MAST4: variants seen among roughly 807,000 people sequenced by gnomAD.
The protein encoded by MAST4 is microtubule associated serine/threonine kinase family member 4, also known as microtubule-associated serine/threonine-protein kinase 4.
Under a neutral mutation model 162.7 loss-of-function variants are expected in MAST4, and 89 were observed. The observed-to-expected ratio is 0.55, with a 90% CI of 0.46 to 0.65. The LOEUF (loss-of-function observed/expected upper bound fraction) is 0.65, where lower values mean the gene tolerates loss of function less well. Ranked by LOEUF, MAST4 falls within the 30% of genes least tolerant of loss-of-function variation. The pLI is 0.00. For synonymous variants in MAST4, 1,479 were observed against 1,361.1 expected (o/e 1.09, Z -1.91); for missense variants, 3,153 against 3,374.0 (o/e 0.93, Z 1.62).
At chr5:66,687,130 T>C (rs1748711187) in intron 1 of MAST4, among the ~76,000 whole-genome samples, 1 of 152,180 alleles carries the variant, frequency 6.6e-6, no homozygotes, top group African/African-American at 2.4e-5. Context: ...GTTTGCTACA[T>C]GGATATATTT....
intron 1 of MAST4, among the ~76,000 whole-genome samples, chr5:66,630,409 T>C (rs1463431937): frequency 6.6e-6 from 1 of 152,238 alleles, no homozygotes; most frequent in Non-Finnish European, 1.5e-5. Context: ...GTTATAATTT[T>C]GGATTTTGTG....
intron 27 of MAST4, among the ~76,000 whole-genome samples, chr5:67,161,985 T>C (rs1312513402): frequency 6.6e-6 from 1 of 152,198 alleles, no homozygotes; most frequent in Non-Finnish European, 1.5e-5. Context: ...ATGTGCTCAT[T>C]GAGTACCAAA....
Position 66,675,757 on chromosome 5 carries a change from A to C in MAST4, c.363+78739A>C, listed in dbSNP as rs534574960. Among the ~76,000 whole-genome samples the C allele has an allele frequency of 4.6e-5, 7 of 152,312 alleles. 1 individual carries two copies. The highest frequency in any genetic ancestry group is 1.4e-4 in the African/African-American group (6 of 41,576). On this transcript the variant is annotated intron_variant, in intron 1 of 28. Transcript: ENST00000403625. Reference sequence around the variant, plus strand: ...CCCTGTGAACTGGAACAAAGACCTGAATCTAACAGAATGAAATTTAATAGG... The same window carrying C: ...CCCTGTGAACTGGAACAAAGACCTGCATCTAACAGAATGAAATTTAATAGG...
intron 1 of MAST4, among the ~76,000 whole-genome samples, chr5:66,698,227 G>A (rs1037342822): frequency 1.3e-5 from 2 of 151,902 alleles, no homozygotes; most frequent in Non-Finnish European, 2.9e-5. Context: ...CTTAGTTCCC[G>A]CAGCTGAGTA....
At position 67,080,979 on chromosome 5, in the gene MAST4, T is replaced by TATATATAATTGTATATATTATATA. The variant is rs1762536986; in HGVS notation, c.764-9177_764-9154dup. Among the ~76,000 whole-genome samples the TATATATAATTGTATATATTATATA allele has an allele frequency of 2.5e-5, 3 of 119,024 alleles. 1 individual carries two copies. Among genetic ancestry groups the TATATATAATTGTATATATTATATA allele is most frequent in the Admixed American group, 1.9e-4 (2 of 10,522 alleles). 78.1% of individuals were successfully genotyped at this position (119,024 alleles called of 152,430 possible). A position where few individuals can be genotyped will look rare whatever the true frequency, so the allele number is the denominator to read the frequency against. On this transcript the variant is annotated intron_variant, in intron 5 of 28. Coordinates refer to ENST00000403625, the MANE Select transcript of MAST4 (RefSeq NM_001164664.2). ...ATATATAATTGTATATATTATATAA[T>TATATATAATTGTATATATTATATA]ATATATAATTGTATATATTATATAA... is the stretch of plus-strand genomic sequence containing the variant.
intron 2 of MAST4, among the ~76,000 whole-genome samples, chr5:66,773,574 G>C (rs977883483): frequency 3.3e-5 from 5 of 152,222 alleles, no homozygotes; most frequent in Non-Finnish European, 7.3e-5. Flanking sequence ...GGTGTTGCCA[G>C]TTTGATAGTA....
At chr5:66,822,386 C>G (rs1757037202) in intron 3 of MAST4, among the ~76,000 whole-genome samples, 1 of 152,130 alleles carries the variant, frequency 6.6e-6, no homozygotes, top group Admixed American at 6.6e-5. Flanking sequence ...TGCCAGAACC[C>G]CCGCAAGTTA....
At chr5:66,728,261 G>T (rs1751641029) in intron 1 of MAST4, among the ~76,000 whole-genome samples, 2 of 152,170 alleles carry the variant, frequency 1.3e-5, no homozygotes, top group Non-Finnish European at 2.9e-5. Flanking sequence ...TAAAATTAAA[G>T]TTCTTCTGTT....
At chr5:66,966,185 A>G (rs139309158) in intron 4 of MAST4, among the ~76,000 whole-genome samples, 1 of 152,314 alleles carries the variant, frequency 6.6e-6, no homozygotes, top group Non-Finnish European at 1.5e-5. Context: ...AAATCTTTCC[A>G]CTGTGACTAA....
intron 1 of MAST4, among the ~76,000 whole-genome samples, chr5:66,744,334 A>C (rs1033375662): frequency 6.6e-6 from 1 of 152,214 alleles, no homozygotes; most frequent in Admixed American, 6.5e-5. Context: ...CTCTTGGGTC[A>C]GAGCTATCCA....
At chr5:66,909,673 C>CT (rs1393204732) in intron 4 of MAST4, among the ~76,000 whole-genome samples, 3 of 152,174 alleles carry the variant, frequency 2.0e-5, no homozygotes, top group Admixed American at 6.5e-5. Flanking sequence ...GGTCAACATG[C>CT]TTGGGTTAGA....
rs529931707 is a variant in MAST4 at position 66,605,420 on chromosome 5, G to A, written c.363+8402G>A. Among the ~76,000 whole-genome samples, 24 of 152,264 alleles carry A rather than the reference G, an allele frequency of 1.6e-4. No individual in the cohort carries two copies. The South Asian group carries it at 5.0e-3, about 32-fold the overall frequency. ...TCTTAGCAGACTGGTAAGTAGAAGC[G>A]CCCTGTTAAGTCTATGCAACCTGAG... is the stretch of plus-strand genomic sequence containing the variant. On this transcript the variant is annotated intron_variant, in intron 1 of 28. Coordinates refer to ENST00000403625, the MANE Select transcript of MAST4 (RefSeq NM_001164664.2).
intron 9 of MAST4, among the ~76,000 whole-genome samples, chr5:67,102,875 G>T (rs908547800): frequency 6.6e-6 from 1 of 152,176 alleles, no homozygotes; most frequent in Non-Finnish European, 1.5e-5. Flanking sequence ...GGTGGGCCTG[G>T]TGAGGTGCCG....
chr5:66,684,142 C>T (rs188018334), intron 1 of MAST4, among the ~76,000 whole-genome samples: 73 of 152,326 alleles, frequency 4.8e-4, no homozygotes, highest in African/African-American at 1.7e-3. Context: ...GTGTTCCTCA[C>T]TTCTGATGAA....
chr5:66,779,640 G>A (rs1426101763), intron 2 of MAST4, among the ~76,000 whole-genome samples: 8 of 152,110 alleles, frequency 5.3e-5, no homozygotes, highest in Admixed American at 1.3e-4. Flanking sequence ...TCTCTCTTGC[G>A]GGAGCACAGC....
chr5:66,918,980 G>T (rs1273711234), intron 4 of MAST4, among the ~76,000 whole-genome samples: 1 of 152,064 alleles, frequency 6.6e-6, no homozygotes. Flanking sequence ...GCACGTGCCT[G>T]TAATCCCAGC....
intron 3 of MAST4, among the ~76,000 whole-genome samples, chr5:66,805,567 T>C (rs1404542994): frequency 6.6e-6 from 1 of 152,232 alleles, no homozygotes; most frequent in Admixed American, 6.5e-5. Flanking sequence ...GCTACTTTTA[T>C]ATAGTCATAG....
chr5:66,680,614 G>A (rs1038855873), intron 1 of MAST4, among the ~76,000 whole-genome samples: 16 of 152,172 alleles, frequency 1.1e-4, no homozygotes, highest in African/African-American at 3.9e-4. Flanking sequence ...CAAACAAGCT[G>A]TGATTTCACA....
At chr5:67,134,124 C>G (rs919222421) in intron 17 of MAST4, among the ~76,000 whole-genome samples, 8 of 152,020 alleles carry the variant, frequency 5.3e-5, no homozygotes, top group African/African-American at 1.9e-4. Flanking sequence ...ATGAAATGAC[C>G]TGTGTGTGAA....
Sources: allele counts gnomAD v4.1 joint callset (sites outside exome capture counted in the v4.1 genomes callset), GRCh38; gene constraint gnomAD v4.1.1; transcripts MANE v1.5; gene names NCBI Gene and HGNC (gene_info 2026-07-23, HGNC 2026-07-21).